The following BFSP1 variants were observed in gnomAD, a reference collection of about 807,000 sequenced individuals.
BFSP1 encodes the protein filensin.
A neutral mutation model predicts 43.9 loss-of-function variants in BFSP1; 38 were observed. That is an observed-to-expected ratio of 0.87 (90% confidence interval 0.67 to 1.14). BFSP1 has a LOEUF of 1.14. BFSP1 is among the 50% of genes most tolerant of loss of function. The probability of loss-of-function intolerance (pLI) is 0.00; values close to 1 mark genes in which losing one functional copy is unlikely to be tolerated. For missense variants in BFSP1, 850 were observed against 875.1 expected (o/e 0.97, Z 0.36); for synonymous variants, 352 against 354.8 (o/e 0.99, Z 0.09).
intron 5 of BFSP1, among the ~76,000 whole-genome samples, chr20:17,505,045 C>CA (rs1453376965): frequency 6.6e-6 from 1 of 152,098 alleles, no homozygotes; most frequent in East Asian, 1.9e-4. Context: ...GGGCGGTTCC[C>CA]ACTTTGCAAT....
upstream of BFSP1, among the ~76,000 whole-genome samples, chr20:17,534,665 A>C (rs1007421873): frequency 1.3e-5 from 2 of 152,252 alleles, no homozygotes; most frequent in African/African-American, 4.8e-5. Context: ...ATATCATAAA[A>C]GACAAAGAGA....
upstream of BFSP1, among the ~76,000 whole-genome samples, chr20:17,531,632 G>A (rs1336217389): frequency 6.6e-6 from 1 of 152,174 alleles, no homozygotes; most frequent in African/African-American, 2.4e-5. Flanking sequence ...GAGGGTCAGG[G>A]GACACGGGAG....
chr20:17,500,686 G>A (rs183551272), intron 5 of BFSP1, among the ~76,000 whole-genome samples: 120 of 152,100 alleles, frequency 7.9e-4, no homozygotes, highest in South Asian at 2.5e-3. Flanking sequence ...CAGTGACGCC[G>A]CATTACCCCA....
chr20:17,520,795 TG>T (rs1192497441), intron 2 of BFSP1, among the ~76,000 whole-genome samples: 1 of 152,230 alleles, frequency 6.6e-6, no homozygotes, highest in Non-Finnish European at 1.5e-5. Context: ...GAGGAATTCT[TG>T]GCATACAAAG....
intron 2 of BFSP1, among the ~76,000 whole-genome samples, chr20:17,524,322 C>A (rs2034376258): frequency 6.6e-6 from 1 of 152,160 alleles, no homozygotes; most frequent in South Asian, 2.1e-4. Flanking sequence ...CTCCACATAA[C>A]CCTGCAGGAA....
chr20:17,500,957 A>G (rs2033784250), intron 5 of BFSP1, among the ~76,000 whole-genome samples: 1 of 152,178 alleles, frequency 6.6e-6, no homozygotes, highest in African/African-American at 2.4e-5. Context: ...GCCAGGGTGC[A>G]CTGGAACCAC....
intron 1 of BFSP1, among the ~76,000 whole-genome samples, chr20:17,545,082 G>A (rs1297768286): frequency 6.6e-6 from 1 of 152,212 alleles, no homozygotes; most frequent in Admixed American, 6.5e-5. Flanking sequence ...AATAGAAATT[G>A]ACATGAGGAC....
chr20:17,545,597 A>G (rs2034786723), intron 1 of BFSP1, among the ~76,000 whole-genome samples: 1 of 152,184 alleles, frequency 6.6e-6, no homozygotes, highest in South Asian at 2.1e-4. Flanking sequence ...TCTTAAAACT[A>G]GTGAGGCACA....
chr20:17,561,156 A>G (rs1027463178), upstream of BFSP1, among the ~76,000 whole-genome samples: 1 of 152,128 alleles, frequency 6.6e-6, no homozygotes, highest in African/African-American at 2.4e-5. Flanking sequence ...TTTGTGGTTC[A>G]TTTTTCTTTC....
At chr20:17,537,568 C>T (rs1255243412) in intron 1 of BFSP1, among the ~76,000 whole-genome samples, 1 of 63,826 alleles carries the variant, frequency 1.6e-5, no homozygotes, top group Non-Finnish European at 3.2e-5. Context: ...ACTGAAGCAC[C>T]AAAAAAAAAA....
At chr20:17,518,439 C>T (rs1390357893) in intron 2 of BFSP1, among the ~76,000 whole-genome samples, 1 of 152,200 alleles carries the variant, frequency 6.6e-6, no homozygotes, top group Non-Finnish European at 1.5e-5. Context: ...AATGAAAACT[C>T]AGCTATAGCG....
chr20:17,545,727 C>T (rs1242717767), intron 1 of BFSP1, among the ~76,000 whole-genome samples: 1 of 152,226 alleles, frequency 6.6e-6, no homozygotes, highest in Non-Finnish European at 1.5e-5. Flanking sequence ...ATACCAATAA[C>T]AAGATATGCT....
At chr20:17,520,007 A>T in intron 2 of BFSP1, among the ~76,000 whole-genome samples, 1 of 152,202 alleles carries the variant, frequency 6.6e-6, no homozygotes, top group East Asian at 1.9e-4. Flanking sequence ...CTGAATTGAG[A>T]TTATGGGTCA....
chr20:17,501,175 G>A (rs977429536), intron 5 of BFSP1, among the ~76,000 whole-genome samples: 5 of 152,216 alleles, frequency 3.3e-5, no homozygotes, highest in Non-Finnish European at 7.3e-5. Flanking sequence ...GGACACCCTG[G>A]AAGATGATCA....
At chr20:17,519,262 G>T (rs1307348238) in intron 2 of BFSP1, among the ~76,000 whole-genome samples, 1 of 152,136 alleles carries the variant, frequency 6.6e-6, no homozygotes, top group Non-Finnish European at 1.5e-5. Context: ...GGGGTCACTG[G>T]TCCTCAAACT....
At chr20:17,562,540 A>G (rs2035076888), upstream of BFSP1, among the ~76,000 whole-genome samples, 1 of 150,888 alleles carries the variant, frequency 6.6e-6, no homozygotes, top group South Asian at 2.2e-4. Context: ...AAAAAAAAAA[A>G]AAAAAAAAAA....
chr20:17,512,188 C>A lies in BFSP1; in HGVS notation c.535-120G>T, dbSNP rs1559955. 5.3e-3 allele frequency: 3,886 copies of A among 733,038 alleles called. 119 individuals are homozygous for A. In the East Asian group the frequency reaches 0.054, roughly 10 times the overall value. 45.4% of individuals were successfully genotyped at this position (733,038 alleles called of 1,614,324 possible). ...GCTCCCTCATCACAGACAGGACAGA[C>A]CATGACCAGGTTCAGGAGGAAGAAG... is the stretch of plus-strand genomic sequence containing the variant. On this transcript the variant is annotated intron_variant, in intron 3 of 7. Coordinates refer to ENST00000377873, the MANE Select transcript of BFSP1 (RefSeq NM_001195.5).
chr20:17,515,421 G>A (rs1023108580), intron 2 of BFSP1, among the ~76,000 whole-genome samples: 1 of 152,316 alleles, frequency 6.6e-6, no homozygotes, highest in Middle Eastern at 3.4e-3. Context: ...CCCAAGGACT[G>A]TTAACATTTA....
chr20:17,555,933 A>G (rs939563779), intron 1 of BFSP1, among the ~76,000 whole-genome samples: 1 of 152,228 alleles, frequency 6.6e-6, no homozygotes, highest in African/African-American at 2.4e-5. Context: ...ATAGAGCCAG[A>G]GTAATGAAAA....
Sources: allele counts gnomAD v4.1 joint callset (sites outside exome capture counted in the v4.1 genomes callset), GRCh38; gene constraint gnomAD v4.1.1; transcripts MANE v1.5; gene names NCBI Gene and HGNC (gene_info 2026-07-23, HGNC 2026-07-21).